CWH43: variants seen among roughly 807,000 people sequenced by gnomAD.
CWH43 encodes cell wall biogenesis 43 C-terminal homolog.
CWH43 carries 91 observed loss-of-function variants against 85.7 expected under a neutral mutation model. That is an observed-to-expected ratio of 1.06 (90% confidence interval 0.90 to 1.26). The LOEUF (loss-of-function observed/expected upper bound fraction) is 1.26. CWH43 is among the 50% of genes most tolerant of loss of function. The probability of loss-of-function intolerance (pLI) is 0.00; values close to 1 mark genes in which losing one functional copy is unlikely to be tolerated. For missense variants in CWH43, 869 were observed against 839.2 expected, an observed-to-expected ratio of 1.04 and a Z score of -0.44; for synonymous variants, 323 against 293.6, an observed-to-expected ratio of 1.10 and a Z score of -1.02.
intron 14 of CWH43, among the ~76,000 whole-genome samples, chr4:49,049,520 TAA>T (rs995253824): frequency 7.0e-6 from 1 of 143,590 alleles, no homozygotes; most frequent in African/African-American, 2.6e-5. Context: ...TATCTCACTC[TAA>T]AAAAAAAAAC....
intron 13 of CWH43, among the ~76,000 whole-genome samples, chr4:49,038,414 C>A (rs1190616645): frequency 6.6e-6 from 1 of 152,102 alleles, no homozygotes; most frequent in Non-Finnish European, 1.5e-5. Flanking sequence ...CATGCAGGGT[C>A]AACTAGGTGT....
Position 49,038,061 on chromosome 4 carries a change from G to A in CWH43, c.1684G>A (p.Ala562Thr), listed in dbSNP as rs768351148. ...HEDDLDRKLQ[A>T]IAVSKLLKSS... ...AGATGACCTCGACAGGAAACTGCAG[G>A]CTATTGCTGTTTCAAAACTACTGAA... The change falls in exon 13 of 16, where the codon GCT becomes ACT. Residue 562 changes from alanine to threonine, a missense_variant. Physicochemically the swap from Ala to Thr is moderately conservative, Grantham distance 58. Transcript: ENST00000226432. 25 of 1,610,474 alleles carry A rather than the reference G, an allele frequency of 1.6e-5. No individual in the cohort carries two copies. In the East Asian group the frequency reaches 4.7e-4, roughly 30 times the overall value.
At chr4:49,003,448 C>T (rs1315394157) in intron 6 of CWH43, among the ~76,000 whole-genome samples, 1 of 152,014 alleles carries the variant, frequency 6.6e-6, no homozygotes. Context: ...CTGTTAGGAT[C>T]TTAACAGCAA....
At chr4:48,998,042 G>A (rs983608650) in intron 5 of CWH43, among the ~76,000 whole-genome samples, 22 of 152,114 alleles carry the variant, frequency 1.4e-4, no homozygotes, top group African/African-American at 1.4e-4. Flanking sequence ...TCAAACTGAC[G>A]CTGGTCTTGG....
At chr4:49,003,607 G>A (rs1783060883) in intron 6 of CWH43, 128 bp from the exon 7 acceptor site, 1 of 884,064 alleles carries the variant, frequency 1.1e-6, no homozygotes, top group African/African-American at 1.7e-5. Context: ...TCAGATCTTA[G>A]TTTTCTCATC....
At chr4:49,048,285 T>C (rs1246540323) in intron 14 of CWH43, among the ~76,000 whole-genome samples, 4 of 151,834 alleles carry the variant, frequency 2.6e-5, no homozygotes, top group Admixed American at 1.3e-4. Context: ...AGTTTATATA[T>C]ATATACACAC....
chr4:49,040,995 C>T lies in CWH43; in HGVS notation c.1803+2815C>T, dbSNP rs571827627. Among the ~76,000 whole-genome samples the T allele has an allele frequency of 3.1e-4, 47 of 152,228 alleles. No individual in the cohort carries two copies. The South Asian group carries it at 8.7e-3, about 28-fold the overall frequency. On this transcript the variant is annotated intron_variant, in intron 13 of 15. Transcript: ENST00000226432. ...AGTTTTCCCAGCACCATTTATTAAA[C>T]AGGGAATCCTTTCCCCATGGCTTGT...
At chr4:49,049,103 G>T (rs1230232117) in intron 14 of CWH43, among the ~76,000 whole-genome samples, 1 of 152,156 alleles carries the variant, frequency 6.6e-6, no homozygotes, top group African/African-American at 2.4e-5. Flanking sequence ...TGATCTTAGA[G>T]ATTTGGGAAT....
chr4:49,044,736 A>T, intron 13 of CWH43, 50 bp from the exon 14 acceptor site: 1 of 1,486,848 alleles, frequency 6.7e-7, no homozygotes, highest in Non-Finnish European at 9.3e-7. Flanking sequence ...AATGTGGAAT[A>T]GAGCTTTGCT....
chr4:49,010,141 C>A (rs955085019), intron 8 of CWH43, among the ~76,000 whole-genome samples: 3 of 152,048 alleles, frequency 2.0e-5, no homozygotes, highest in African/African-American at 4.8e-5. Flanking sequence ...TTAATTATTG[C>A]CTCAATTTCA....
intron 13 of CWH43, among the ~76,000 whole-genome samples, chr4:49,044,406 G>A (rs1157483691): frequency 6.6e-6 from 1 of 152,174 alleles, no homozygotes; most frequent in East Asian, 1.9e-4. Flanking sequence ...TGGCACGATG[G>A]CATAACTAGT....
At chr4:48,993,035 T>G (rs1782703078) in intron 4 of CWH43, among the ~76,000 whole-genome samples, 3 of 152,210 alleles carry the variant, frequency 2.0e-5, no homozygotes, top group Non-Finnish European at 4.4e-5. Context: ...GATAAAGATC[T>G]GAACTTCAGG....
intron 3 of CWH43, 69 bp downstream of exon 3, chr4:48,991,643 C>T (rs1782662690): frequency 6.5e-7 from 1 of 1,539,570 alleles, no homozygotes; most frequent in Non-Finnish European, 8.8e-7. Context: ...AACCTGGGGC[C>T]AGGAGTTCCA....
chr4:49,049,755 T>C (rs1784739323), intron 14 of CWH43, among the ~76,000 whole-genome samples: 1 of 152,162 alleles, frequency 6.6e-6, no homozygotes, highest in South Asian at 2.1e-4. Flanking sequence ...CCTCCCTTCG[T>C]TGAATTTTTT....
chr4:49,022,264 G>A (rs1417854332), intron 9 of CWH43, among the ~76,000 whole-genome samples: 2 of 152,084 alleles, frequency 1.3e-5, no homozygotes, highest in Non-Finnish European at 2.9e-5. Context: ...ATAAAGCGAC[G>A]CTGGATATTG....
intron 7 of CWH43, among the ~76,000 whole-genome samples, chr4:49,006,462 A>C (rs971994852): frequency 1.4e-4 from 22 of 152,142 alleles, no homozygotes; most frequent in Admixed American, 7.2e-4. Flanking sequence ...TTTAGTTATA[A>C]ATTTATTTCC....
chr4:49,020,578 G>T (rs1239198714), intron 9 of CWH43, among the ~76,000 whole-genome samples: 1 of 152,150 alleles, frequency 6.6e-6, no homozygotes, highest in Non-Finnish European at 1.5e-5. Flanking sequence ...ATACCCAGGA[G>T]TGTGATTGCT....
At chr4:49,045,853 C>T (rs1784607564) in intron 14 of CWH43, among the ~76,000 whole-genome samples, 1 of 152,004 alleles carries the variant, frequency 6.6e-6, no homozygotes, top group Admixed American at 6.6e-5. Context: ...TTACCTTAAA[C>T]ATTTATCATT....
At chr4:49,026,062 T>C (rs1783907298) in intron 9 of CWH43, among the ~76,000 whole-genome samples, 1 of 152,060 alleles carries the variant, frequency 6.6e-6, no homozygotes, top group South Asian at 2.1e-4. Context: ...CCTAGGCCAA[T>C]GGAGTTATGT....
Sources: allele counts gnomAD v4.1 joint callset (sites outside exome capture counted in the v4.1 genomes callset), GRCh38; gene constraint gnomAD v4.1.1; transcripts MANE v1.5; gene names NCBI Gene and HGNC (gene_info 2026-07-23, HGNC 2026-07-21).